PCDHA3: variants seen among roughly 807,000 people sequenced by gnomAD.
PCDHA3 encodes protocadherin alpha 3, also known as protocadherin alpha-3.
PCDHA3 carries 41 observed loss-of-function variants against 62.2 expected under a neutral mutation model. That is an observed-to-expected ratio of 0.66 (90% CI 0.51 to 0.86). The LOEUF is 0.86. Among genes scored for constraint, PCDHA3 ranks in the 40% least tolerant of loss-of-function variants. The pLI, the probability that PCDHA3 is intolerant of heterozygous loss-of-function variation, is 0.00. For missense variants in PCDHA3, 1,304 were observed against 1,241.2 expected (o/e 1.05, Z -0.76); for synonymous variants, 640 against 555.4 (o/e 1.15, Z -2.14).
intron 1 of PCDHA3, among the ~76,000 whole-genome samples, chr5:140,975,197 C>T (rs1176492853): frequency 6.6e-6 from 1 of 152,230 alleles, no homozygotes; most frequent in Non-Finnish European, 1.5e-5. Flanking sequence ...TCTGCTCCAT[C>T]TTCATGGCTG....
rs782463268 is a variant in PCDHA3, at chr5:140,941,198, TCTTCCTTTCTTTCTTC to T, written c.2395-37747_2395-37732del. On this transcript the variant is annotated intron_variant, in intron 1 of 3. Transcript: ENST00000522353. ...AACATCCTGCTTCTTTTTTTTTCTTTCTTCCTTTCTTTCTTCCTTTCTTTCTTTCTTTCTTTCTTTC... is the reference window on the plus strand; with the variant it reads ...AACATCCTGCTTCTTTTTTTTTCTTTCTTTCTTTCTTTCTTTCTTTCTTTC... 2.9e-3 allele frequency among the ~76,000 whole-genome samples: 353 copies of T among 119,898 alleles called. 1 individual carries two copies. Among genetic ancestry groups the T allele is most frequent in the African/African-American group, 8.8e-3 (254 of 28,982 alleles). The allele number at this position is 119,898 out of a possible 152,430, so 78.7% of individuals were successfully genotyped here.
chr5:140,876,839 C>G, intron 1 of PCDHA3: 1 of 1,614,116 alleles, frequency 6.2e-7, no homozygotes, highest in Non-Finnish European at 8.5e-7. Flanking sequence ...CCTGCGTTCG[C>G]GCAGCCCGAG....
chr5:140,882,814 A>AGT, intron 1 of PCDHA3: 3 of 1,614,248 alleles, frequency 1.9e-6, no homozygotes, highest in Non-Finnish European at 2.5e-6. Context: ...CTTTGGACGC[A>AGT]CAAAACAGTC....
intron 1 of PCDHA3, chr5:140,824,250 T>C: frequency 1.4e-6 from 2 of 1,404,898 alleles, no homozygotes; most frequent in South Asian, 2.5e-5. Context: ...TGGTACACAA[T>C]TATTGCACTA....
rs782637283 is a variant in PCDHA3 at position 140,803,231 on chromosome 5, C to T, written c.2034C>T (p.Ala678=). Residue 678 remains alanine, a synonymous_variant, in exon 1 of 4, where the codon GCC becomes GCT. Coordinates refer to ENST00000522353, the MANE Select transcript of PCDHA3 (RefSeq NM_018906.3). The part of the protein sequence containing the change: ...SLVESGQAPK[A]SSQASAGATG... ...TGGAGAGTGGCCAGGCACCCAAGGCCTCGTCCCAGGCGTCCGCTGGCGCCA... is the reference window on the plus strand; with the variant it reads ...TGGAGAGTGGCCAGGCACCCAAGGCTTCGTCCCAGGCGTCCGCTGGCGCCA... The T allele has an allele frequency of 6.2e-7, 1 of 1,613,844 alleles. No individual in the cohort carries two copies. The highest frequency in any genetic ancestry group is 1.7e-5 in the Admixed American group (1 of 60,026).
At chr5:140,918,115 A>G (rs185486488) in intron 1 of PCDHA3, among the ~76,000 whole-genome samples, 14 of 152,198 alleles carry the variant, frequency 9.2e-5, no homozygotes, top group African/African-American at 3.1e-4. Flanking sequence ...CACATCCTTG[A>G]TTAGCCATAT....
chr5:140,805,371 A>C, intron 1 of PCDHA3: 1 of 1,148,784 alleles, frequency 8.7e-7, no homozygotes, highest in Non-Finnish European at 1.1e-6. Context: ...GTCCCCACAT[A>C]GTGAAAGTAC....
chr5:140,854,536 A>G (rs930055548), intron 1 of PCDHA3: 6 of 150,026 alleles, frequency 4.0e-5, no homozygotes, highest in African/African-American at 1.5e-4. Context: ...CATTTCTGTC[A>G]GTTTTCTTAT....
At chr5:140,807,097 A>G in intron 1 of PCDHA3, 1 of 1,390,244 alleles carries the variant, frequency 7.2e-7, no homozygotes, top group Non-Finnish European at 9.9e-7. Flanking sequence ...TGAAATATGG[A>G]GGATGCAGCT....
At chr5:140,869,218 G>A in intron 1 of PCDHA3, 1 of 1,613,824 alleles carries the variant, frequency 6.2e-7, no homozygotes, top group Non-Finnish European at 8.5e-7. Context: ...CTCGGAGGAG[G>A]CCAAACACGG....
chr5:140,878,001 T>C (rs2057434893), intron 1 of PCDHA3: 6 of 1,018,808 alleles, frequency 5.9e-6, no homozygotes, highest in South Asian at 4.4e-5. Flanking sequence ...TATGTATTTG[T>C]CTAACATTAA....
In PCDHA3 at chr5:140,887,347, C is replaced by T. The variant is rs568939189; in HGVS notation, c.2394+83756C>T. Among the ~76,000 whole-genome samples the T allele has an allele frequency of 4.6e-5, 7 of 152,202 alleles. No homozygotes were observed. In the South Asian group the frequency reaches 6.2e-4, roughly 14 times the overall value. On this transcript the variant is annotated intron_variant, in intron 1 of 3. Coordinates refer to ENST00000522353, the MANE Select transcript of PCDHA3 (RefSeq NM_018906.3). ...TCCTGACCTCGTGATCCACCTGGCT[C>T]GGCCTCCCAAAGTGCTGGGATTACA...
chr5:140,982,967 T>C (rs1395576199), intron 3 of PCDHA3, among the ~76,000 whole-genome samples: 1 of 150,996 alleles, frequency 6.6e-6, no homozygotes, highest in Non-Finnish European at 1.5e-5. Flanking sequence ...CCACCCAAAG[T>C]AGTAAGGAAA....
chr5:140,808,295 G>C, intron 1 of PCDHA3: 5 of 1,614,248 alleles, frequency 3.1e-6, no homozygotes, highest in Admixed American at 1.7e-5. Flanking sequence ...TACAGTCATC[G>C]CCCTGATCAG....
At chr5:140,995,548 C>T (rs1554254718) in intron 3 of PCDHA3, among the ~76,000 whole-genome samples, 2 of 152,200 alleles carry the variant, frequency 1.3e-5, no homozygotes, top group Non-Finnish European at 2.9e-5. Context: ...GGGGCGATCA[C>T]TGTACTGAAT....
At chr5:140,822,452 A>T (rs2150116491) in intron 1 of PCDHA3, 2 of 1,613,774 alleles carry the variant, frequency 1.2e-6, no homozygotes, top group Non-Finnish European at 1.7e-6. Flanking sequence ...GGTACAGTTC[A>T]GTTGTTGATC....
chr5:140,902,822 C>T (rs1239042138), intron 1 of PCDHA3, among the ~76,000 whole-genome samples: 4 of 151,576 alleles, frequency 2.6e-5, no homozygotes, highest in Admixed American at 2.0e-4. Context: ...ATTTGGTTTT[C>T]GATTTCTGAG....
Position 140,801,500 on chromosome 5 carries a change from G to C in PCDHA3, c.303G>C (p.Glu101Asp), listed in dbSNP as rs539262034. 36 of 1,614,186 alleles carry C rather than the reference G, an allele frequency of 2.2e-5. No homozygotes were observed. In the South Asian group the frequency reaches 3.8e-4, roughly 17 times the overall value. The change falls in exon 1 of 4, where the codon GAG becomes GAC. Residue 101 changes from glutamate to aspartate, a missense_variant. Transcript: ENST00000522353. ...AGGAACTGTGCGGGCGGAGCGCGGAGTGCAGCATCCACCTGGAGGTGATCG... is the reference window on the plus strand; with the variant it reads ...AGGAACTGTGCGGGCGGAGCGCGGACTGCAGCATCCACCTGGAGGTGATCG... The part of the protein sequence containing the change: ...DREELCGRSA[E>D]CSIHLEVIVD...
intron 1 of PCDHA3, among the ~76,000 whole-genome samples, chr5:140,922,316 A>T (rs983729529): frequency 6.6e-6 from 1 of 152,248 alleles, no homozygotes; most frequent in Non-Finnish European, 1.5e-5. Flanking sequence ...TTCACTGAAG[A>T]TCTTGGAAAG....
Sources: allele counts gnomAD v4.1 joint callset (sites outside exome capture counted in the v4.1 genomes callset), GRCh38; gene constraint gnomAD v4.1.1; transcripts MANE v1.5; gene names NCBI Gene and HGNC (gene_info 2026-07-23, HGNC 2026-07-21).